The following FBXO24 variants were observed in gnomAD, a reference collection of about 807,000 sequenced individuals.
The protein encoded by FBXO24 is F-box only protein 24.
FBXO24 carries 30 observed loss-of-function variants against 63.5 expected under a neutral mutation model. That is an observed-to-expected ratio of 0.47 (90% CI 0.35 to 0.64). The LOEUF (loss-of-function observed/expected upper bound fraction) is 0.64, where lower values mean the gene tolerates loss of function less well. Among genes scored for constraint, FBXO24 ranks in the 30% least tolerant of loss-of-function variants. FBXO24 has a pLI of 0.00. For missense variants in FBXO24, 624 were observed against 763.4 expected (o/e 0.82, Z 2.15); for synonymous variants, 300 against 305.0 (o/e 0.98, Z 0.17).
rs1409420566 is a variant in FBXO24 at position 100,589,479 on chromosome 7, C to T, written c.40-498C>T. On this transcript the variant is annotated intron_variant, in intron 1 of 9. Transcript: ENST00000241071. ...GTGATGGCTAGAACTGAGCTAGAAC[C>T]CAGGAGCTGTCTAAGAGATGGGTCC... is the stretch of plus-strand genomic sequence containing the variant. The T allele has an allele frequency of 5.4e-6, 7 of 1,285,834 alleles. No homozygotes were observed. The Admixed American group carries it at 1.1e-4, about 20-fold the overall frequency. 79.7% of individuals were successfully genotyped at this position (1,285,834 alleles called of 1,614,324 possible).
intron 3 of FBXO24, among the ~76,000 whole-genome samples, chr7:100,590,856 T>C (rs1801980299): frequency 6.6e-6 from 1 of 151,896 alleles, no homozygotes. Context: ...CCATAAACCC[T>C]CTTCCCCTCC....
chr7:100,591,751 A>G lies in FBXO24; in HGVS notation c.407A>G (p.Tyr136Cys), dbSNP rs1199165183. ...GTGGCCCCCTTGCTAGCCCACGGCT[A>G]CCGCCGCTTCTTGCCCACCAAGGAT... ...KSVAPLLAHG[Y>C]RRFLPTKDHV... Residue 136 changes from tyrosine (Y) to cysteine (C), a missense_variant, in exon 4 of 10, where the codon TAC becomes TGC. Around this residue, in one of 3 missense-constraint regions of FBXO24, gnomAD observed 391 missense variants for 469.1 expected, o/e 0.83. Coordinates refer to ENST00000241071, the MANE Select transcript of FBXO24 (RefSeq NM_033506.3). 2 of 1,614,114 alleles carry G rather than the reference A, an allele frequency of 1.2e-6. No individual in the cohort carries two copies. Among genetic ancestry groups the G allele is most frequent in the Non-Finnish European group, 1.7e-6 (2 of 1,180,050 alleles).
At position 100,600,981 on chromosome 7, in the gene FBXO24, T is replaced by C; in HGVS notation, c.*82T>C. 5 of 1,440,776 alleles carry C rather than the reference T, an allele frequency of 3.5e-6. No individual in the cohort carries two copies. Among genetic ancestry groups the C allele is most frequent in the Non-Finnish European group, 4.7e-6 (5 of 1,070,738 alleles). 89.2% of individuals were successfully genotyped at this position (1,440,776 alleles called of 1,614,324 possible). On this transcript the variant is annotated 3_prime_UTR_variant, in exon 10 of 10. Coordinates refer to ENST00000241071, the MANE Select transcript of FBXO24 (RefSeq NM_033506.3). The surrounding 1 kb of genome is among the most constrained non-coding windows in gnomAD (Gnocchi z 6.3). ...TAAGGAGCAATGACCATTGTGCACATGCGTGTGGGAAGGGGTTGCTAGGGG... is the reference window on the plus strand; with the variant it reads ...TAAGGAGCAATGACCATTGTGCACACGCGTGTGGGAAGGGGTTGCTAGGGG...
At position 100,594,420 on chromosome 7, in the gene FBXO24, C is replaced by T. The variant is rs549170063; in HGVS notation, c.831C>T (p.Thr277=). ...TCTACTCTTTGGTAGTGAATGAGACCCAGCTTGACCAGCCACGCTCCTACA... is the reference window on the plus strand; with the variant it reads ...TCTACTCTTTGGTAGTGAATGAGACTCAGCTTGACCAGCCACGCTCCTACA... ...GKIYSLVVNE[T]QLDQPRSYTV... Residue 277 remains threonine, a synonymous_variant, in exon 6 of 10, where the codon ACC becomes ACT. Transcript: ENST00000241071. The surrounding 1 kb of genome is among the most constrained non-coding windows in gnomAD (Gnocchi z 4.2). 3 of 1,613,120 alleles carry T rather than the reference C, an allele frequency of 1.9e-6. No homozygotes were observed. In the East Asian group the frequency reaches 6.7e-5, roughly 36 times the overall value.
chr7:100,599,742 G>C (rs1802495529), intron 8 of FBXO24: 2 of 408,412 alleles, frequency 4.9e-6, no homozygotes, highest in Admixed American at 4.0e-5. Flanking sequence ...GCATAGACGG[G>C]TGGGCTGAGA....
At chr7:100,590,507 C>G (rs1416279420) in intron 3 of FBXO24, 150 bp downstream of exon 3, 3 of 796,018 alleles carry the variant, frequency 3.8e-6, no homozygotes, top group Non-Finnish European at 5.8e-6. Context: ...AAACATTCTC[C>G]CTTGAGTACT....
chr7:100,596,044 G>A (rs1204489050), intron 8 of FBXO24, among the ~76,000 whole-genome samples: 4 of 152,182 alleles, frequency 2.6e-5, no homozygotes, highest in Non-Finnish European at 4.4e-5. Context: ...TTGGGAGGCC[G>A]AGGTGGACAG....
At chr7:100,593,072 C>A in intron 5 of FBXO24, 55 bp downstream of exon 5, 1 of 1,498,596 alleles carries the variant, frequency 6.7e-7, no homozygotes, top group Non-Finnish European at 9.2e-7. Flanking sequence ...TCCTCAGACC[C>A]TGCTGCAGAG....
intron 8 of FBXO24, among the ~76,000 whole-genome samples, chr7:100,598,000 C>A (rs1008175018): frequency 6.7e-6 from 1 of 150,036 alleles, no homozygotes; most frequent in African/African-American, 2.5e-5. Flanking sequence ...GCTGGGATTA[C>A]AGGTGTGAGC....
rs2131282328 is a variant in FBXO24 at position 100,600,264 on chromosome 7, A to G, written c.1377+63A>G. ...ATGAGAGCCATGAACCAGGAAGCCC[A>G]CAGGCTGTAGCTGGGGCTCCTGCAG... On this transcript the variant is annotated intron_variant, in intron 9 of 9. Transcript: ENST00000241071. This position sits in a 1 kb window ranked among gnomAD's most constrained non-coding sequence, Gnocchi z 6.3. The G allele has an allele frequency of 1.4e-6, 2 of 1,459,712 alleles. No homozygotes were observed. The highest frequency in any genetic ancestry group is 2.5e-5 in the East Asian group (1 of 40,068). 90.4% of individuals were successfully genotyped at this position (1,459,712 alleles called of 1,614,324 possible).
At chr7:100,592,389 A>G in intron 4 of FBXO24, 1 of 259,988 alleles carries the variant, frequency 3.8e-6, no homozygotes, top group East Asian at 1.0e-4. Flanking sequence ...GGCACGTCTT[A>G]CATGGCAGCA....
At position 100,589,976 on chromosome 7, in the gene FBXO24, G is replaced by A. The variant is rs1801927259; in HGVS notation, c.40-1G>A. On this transcript the variant is annotated splice_acceptor_variant, in intron 1 of 9. Coordinates refer to ENST00000241071, the MANE Select transcript of FBXO24 (RefSeq NM_033506.3). LOFTEE classifies it high-confidence loss of function. ...GACCCTATGCACCCCTTCTTGGGTA[G>A]GTGAAGAGAAGCTGCCCTTCTTGTG... 6.2e-7 allele frequency: 1 copy of A among 1,612,676 alleles called. No individual in the cohort carries two copies. Among genetic ancestry groups the A allele is most frequent in the Non-Finnish European group, 8.5e-7 (1 of 1,179,402 alleles).
Position 100,600,805 on chromosome 7 carries a change from C to T in FBXO24, c.1649C>T (p.Ala550Val). 1 of 1,614,154 alleles carries T rather than the reference C, an allele frequency of 6.2e-7. No individual in the cohort carries two copies. ...KEIVGWMPLM[A>V]AQKDFFWEAL... The stretch of plus-strand genomic sequence containing the variant: ...ATCGTAGGGTGGATGCCCCTGATGG[C>T]CGCACAGAAGGACTTCTTCTGGGAG... The change falls in exon 10 of 10, where the codon GCC (alanine) becomes GTC (valine). Residue 550 changes from alanine to valine, a missense_variant. Ala to Val is a moderately conservative substitution (Grantham distance 64). Transcript: ENST00000241071. The surrounding 1 kb of genome is among the most constrained non-coding windows in gnomAD (Gnocchi z 6.3).
intron 1 of FBXO24, among the ~76,000 whole-genome samples, chr7:100,588,576 T>C (rs1431893996): frequency 6.6e-6 from 1 of 152,164 alleles, no homozygotes; most frequent in Non-Finnish European, 1.5e-5. Context: ...GGGACTCCTT[T>C]GAGCCCCTGC....
chr7:100,590,392 C>T (rs773682833), intron 3 of FBXO24, 35 bp downstream of exon 3: 4 of 1,577,218 alleles, frequency 2.5e-6, no homozygotes, highest in Non-Finnish European at 3.5e-6. Flanking sequence ...TTCTCCTTGC[C>T]TCTGTCCCGC....
chr7:100,590,365 T>G lies in FBXO24; in HGVS notation c.322+8T>G. 1 of 1,600,866 alleles carries G rather than the reference T, an allele frequency of 6.2e-7. No individual in the cohort carries two copies. Among genetic ancestry groups the G allele is most frequent in the Middle Eastern group, 1.8e-4 (1 of 5,490 alleles). On this transcript the variant is annotated splice_region_variant and intron_variant, in intron 3 of 9. Coordinates refer to ENST00000241071, the MANE Select transcript of FBXO24 (RefSeq NM_033506.3). The stretch of plus-strand genomic sequence containing the variant: ...GAGCTGCCATTCTGAACTGTACACC[T>G]TCCCCAGAACCTCCCGTTCTCCTTG...
chr7:100,592,851 G>A lies in FBXO24; in HGVS notation c.627G>A (p.Pro209=), dbSNP rs142791323. The change falls in exon 5 of 10, where the codon CCG becomes CCA. Residue 209 remains proline (P), a synonymous_variant. Coordinates refer to ENST00000241071, the MANE Select transcript of FBXO24 (RefSeq NM_033506.3). ...KYLYVLATRE[P]QEVVGTTSSR... ...TCTACGTCTTGGCCACTCGGGAGCCGCAGGAAGTGGTGGGTACCACCAGCA... is the reference window on the plus strand; with the variant it reads ...TCTACGTCTTGGCCACTCGGGAGCCACAGGAAGTGGTGGGTACCACCAGCA... 2.4e-5 allele frequency: 39 copies of A among 1,614,014 alleles called. No homozygotes were observed. The highest frequency in any genetic ancestry group is 1.7e-4 in the Admixed American group (10 of 59,990).
At position 100,592,213 on chromosome 7, in the gene FBXO24, C is replaced by T. The variant is rs566239298; in HGVS notation, c.558+311C>T. The T allele has an allele frequency of 2.4e-5, 8 of 333,412 alleles. No individual in the cohort carries two copies. The East Asian group carries it at 4.7e-4, about 19-fold the overall frequency. The allele number at this position is 333,412 out of a possible 1,614,324, so 20.7% of individuals were successfully genotyped here. On this transcript the variant is annotated intron_variant, in intron 4 of 9. Coordinates refer to ENST00000241071, the MANE Select transcript of FBXO24 (RefSeq NM_033506.3). ...GGCAGAGGCTGCAGTGAGCTGAGAT[C>T]GCACCCTTGCACTCCAGCCTGGGCA...
chr7:100,598,727 A>T (rs1485288805), intron 8 of FBXO24, among the ~76,000 whole-genome samples: 2 of 152,244 alleles, frequency 1.3e-5, no homozygotes, highest in African/African-American at 4.8e-5. Flanking sequence ...CTGTAATCCT[A>T]GCACTTTGGG....
Sources: gnomAD v4.1 joint callset for allele counts (sites outside exome capture counted in the v4.1 genomes callset) on GRCh38, gnomAD v4.1.1 for gene constraint, gnomAD v4.1.1 regional missense constraint, Gnocchi (gnomAD v3.1) non-coding constraint, MANE v1.5 for transcripts, NCBI Gene and HGNC (gene_info 2026-07-23, HGNC 2026-07-21) for gene names.